GRM1: variants seen among roughly 807,000 people sequenced by gnomAD.
GRM1 encodes glutamate metabotropic receptor 1.
GRM1 carries 33 observed loss-of-function variants against 90.9 expected under a neutral mutation model. The ratio of observed to expected loss-of-function variants is 0.36; its 90% confidence interval spans 0.28 to 0.49. The LOEUF (loss-of-function observed/expected upper bound fraction) is 0.49, where lower values mean the gene tolerates loss of function less well. Among genes scored for constraint, GRM1 ranks in the 20% least tolerant of loss-of-function variants. GRM1 has a pLI of 0.99. For missense variants in GRM1, 1,190 were observed against 1,534.3 expected, an observed-to-expected ratio of 0.78 and a Z score of 3.75; for synonymous variants, 700 against 613.2, an observed-to-expected ratio of 1.14 and a Z score of -2.09.
At chr6:146,341,720 A>G (rs929698025) in intron 3 of GRM1, among the ~76,000 whole-genome samples, 1 of 152,210 alleles carries the variant, frequency 6.6e-6, no homozygotes, top group African/African-American at 2.4e-5. Flanking sequence ...ATGTTCCTCA[A>G]TCACATTTCT....
chr6:146,332,792 C>T (rs1029740374), intron 3 of GRM1, among the ~76,000 whole-genome samples: 2 of 152,086 alleles, frequency 1.3e-5, no homozygotes, highest in African/African-American at 4.8e-5. Flanking sequence ...GGTATTTTGT[C>T]CTCCTCAAAA....
At chr6:146,173,306 C>T (rs922836993) in intron 2 of GRM1, among the ~76,000 whole-genome samples, 11 of 150,984 alleles carry the variant, frequency 7.3e-5, no homozygotes, top group Non-Finnish European at 1.3e-4. Context: ...AGGAGAATCA[C>T]TTGAACCCGG....
intron 1 of GRM1, among the ~76,000 whole-genome samples, chr6:146,086,691 A>G (rs1004413318): frequency 6.6e-6 from 1 of 152,184 alleles, no homozygotes; most frequent in Non-Finnish European, 1.5e-5. Flanking sequence ...TCCTTTTCCC[A>G]GTACCAACAA....
intron 5 of GRM1, 88 bp downstream of exon 5, chr6:146,357,782 A>C: frequency 1.9e-6 from 2 of 1,067,184 alleles, no homozygotes; most frequent in Non-Finnish European, 2.9e-6. Flanking sequence ...AATTTTAAAA[A>C]CATAACTGTC....
Position 146,412,265 on chromosome 6 carries a change from G to A in GRM1, c.2660+12566G>A, listed in dbSNP as rs534097879. Among the ~76,000 whole-genome samples the A allele has an allele frequency of 3.1e-4, 47 of 152,196 alleles. No homozygotes were observed. In the South Asian group the frequency reaches 4.6e-3, roughly 15 times the overall value. ...TAAGCCTTATCCTAGCTGACATATC[G>A]TTCTTTCAGGGGCAGACAAAAATAA... On this transcript the variant is annotated intron_variant, in intron 7 of 7. Coordinates refer to ENST00000282753, the MANE Select transcript of GRM1 (RefSeq NM_001278064.2).
intron 7 of GRM1, among the ~76,000 whole-genome samples, chr6:146,412,591 GTT>G (rs1360521572): frequency 4.6e-5 from 7 of 152,258 alleles, no homozygotes; most frequent in Admixed American, 4.6e-4. Flanking sequence ...TCAGCTCAAA[GTT>G]TGTTTCCCAA....
At chr6:146,041,146 T>C (rs1230013044) in intron 1 of GRM1, among the ~76,000 whole-genome samples, 2 of 152,020 alleles carry the variant, frequency 1.3e-5, no homozygotes, top group Non-Finnish European at 2.9e-5. Flanking sequence ...GATAACTTTA[T>C]AAATTGCTTT....
Position 146,435,042 on chromosome 6 carries a change from A to G in GRM1, c.*246A>G. ...TTACTCGAAGCCTTCTCTGGGAAGAAAGGGAATTCTGACAAAGCACAATTC... is the reference window on the plus strand; with the variant it reads ...TTACTCGAAGCCTTCTCTGGGAAGAGAGGGAATTCTGACAAAGCACAATTC... On this transcript the variant is annotated 3_prime_UTR_variant, in exon 8 of 8. Coordinates refer to ENST00000282753, the MANE Select transcript of GRM1 (RefSeq NM_001278064.2). The G allele has an allele frequency of 5.0e-6, 3 of 595,418 alleles. No individual in the cohort carries two copies. In the South Asian group the frequency reaches 5.9e-5, roughly 12 times the overall value. 36.9% of individuals were successfully genotyped at this position (595,418 alleles called of 1,614,324 possible). A position where few individuals can be genotyped will look rare whatever the true frequency, so the allele number is the denominator to read the frequency against.
intron 3 of GRM1, among the ~76,000 whole-genome samples, chr6:146,343,690 G>A (rs1785067940): frequency 7.5e-6 from 1 of 133,522 alleles, no homozygotes; most frequent in African/African-American, 3.6e-5. Flanking sequence ...TTATTGAGAT[G>A]GAGTCTTTCT....
At chr6:146,325,524 A>G (rs1051991005) in intron 3 of GRM1, among the ~76,000 whole-genome samples, 1 of 152,200 alleles carries the variant, frequency 6.6e-6, no homozygotes, top group Admixed American at 6.5e-5. Flanking sequence ...TACCCTAGGA[A>G]TAAAATGGCC....
intron 5 of GRM1, among the ~76,000 whole-genome samples, chr6:146,367,025 T>G (rs553892342): frequency 6.6e-6 from 1 of 150,534 alleles, no homozygotes; most frequent in Admixed American, 6.6e-5. Flanking sequence ...AGCAGTTTCA[T>G]AGTTTCAGCT....
chr6:146,138,531 T>C (rs1479542374), intron 1 of GRM1, among the ~76,000 whole-genome samples: 1 of 152,118 alleles, frequency 6.6e-6, no homozygotes, highest in Non-Finnish European at 1.5e-5. Context: ...CGGGAAACAT[T>C]TTATTACAGT....
At chr6:146,282,031 T>C (rs1167699086) in intron 2 of GRM1, among the ~76,000 whole-genome samples, 1 of 152,198 alleles carries the variant, frequency 6.6e-6, no homozygotes, top group African/African-American at 2.4e-5. Flanking sequence ...CACAGGCTGC[T>C]TGGGAATCAT....
At position 146,076,489 on chromosome 6, in the gene GRM1, G is replaced by A. The variant is rs919403701; in HGVS notation, c.700+46272G>A. Among the ~76,000 whole-genome samples the A allele has an allele frequency of 2.0e-5, 3 of 152,136 alleles. No individual in the cohort carries two copies. The East Asian group carries it at 5.8e-4, about 29-fold the overall frequency. On this transcript the variant is annotated intron_variant, in intron 1 of 7. Coordinates refer to ENST00000282753, the MANE Select transcript of GRM1 (RefSeq NM_001278064.2). ...TAAAAAGTTACTGGATGGATTCTGG[G>A]TAGATTTTGAAGATATAGCTCGAAG...
chr6:146,420,530 G>A (rs1444190818), intron 7 of GRM1, among the ~76,000 whole-genome samples: 1 of 152,184 alleles, frequency 6.6e-6, no homozygotes, highest in African/African-American at 2.4e-5. Flanking sequence ...GAAATGGTAA[G>A]GCAAGATAGC....
intron 2 of GRM1, among the ~76,000 whole-genome samples, chr6:146,184,554 G>T (rs143720018): frequency 1.3e-5 from 2 of 152,104 alleles, no homozygotes; most frequent in East Asian, 3.9e-4. Context: ...ATGCCGGCAT[G>T]AATTCAGTAC....
intron 1 of GRM1, among the ~76,000 whole-genome samples, chr6:146,147,894 A>AAAGG (rs1777170933): frequency 6.6e-6 from 1 of 152,194 alleles, no homozygotes; most frequent in African/African-American, 2.4e-5. Flanking sequence ...AGAAAGAAAG[A>AAAGG]AAAAGAAAAA....
rs558379480 is a variant in GRM1 at position 146,298,028 on chromosome 6, A to G, written c.951-6583A>G. On this transcript the variant is annotated intron_variant, in intron 2 of 7. Transcript: ENST00000282753. Reference sequence around the variant, plus strand: ...CTGAGCTGGGAGTTTCATTTTAGTCATTGCAATGACACTGCAACCCAAGAA... The same window carrying G: ...CTGAGCTGGGAGTTTCATTTTAGTCGTTGCAATGACACTGCAACCCAAGAA... 9.2e-5 allele frequency among the ~76,000 whole-genome samples: 14 copies of G among 152,212 alleles called. No homozygotes were observed. In the East Asian group the frequency reaches 2.5e-3, roughly 27 times the overall value.
intron 3 of GRM1, among the ~76,000 whole-genome samples, chr6:146,347,699 T>A (rs1226302644): frequency 6.6e-6 from 1 of 152,226 alleles, no homozygotes; most frequent in African/African-American, 2.4e-5. Context: ...AAATGCTCCA[T>A]ACCATGACCT....
Sources: allele counts gnomAD v4.1 joint callset (sites outside exome capture counted in the v4.1 genomes callset), GRCh38; gene constraint gnomAD v4.1.1; transcripts MANE v1.5; gene names NCBI Gene and HGNC (gene_info 2026-07-23, HGNC 2026-07-21).